Variants in IGSF21 observed in about 807,000 individuals in gnomAD.
The protein encoded by IGSF21 is immunoglobulin superfamily member 21.
Under a neutral mutation model 46.8 loss-of-function variants are expected in IGSF21, and 28 were observed. The ratio of observed to expected loss-of-function variants is 0.60; its 90% confidence interval spans 0.44 to 0.82. IGSF21 has a LOEUF of 0.82. Among genes scored for constraint, IGSF21 ranks in the 40% least tolerant of loss-of-function variants. The probability of loss-of-function intolerance (pLI) is 0.00; values close to 1 mark genes in which losing one functional copy is unlikely to be tolerated. For missense variants in IGSF21, 624 were observed against 665.5 expected (o/e 0.94, Z 0.69); for synonymous variants, 284 against 273.6 (o/e 1.04, Z -0.38).
chr1:18,227,924 C>A lies in IGSF21; in HGVS notation c.97C>A (p.Leu33Ile). 1 of 1,614,088 alleles carries A rather than the reference C, an allele frequency of 6.2e-7. No individual in the cohort carries two copies. Among genetic ancestry groups the A allele is most frequent in the Non-Finnish European group, 8.5e-7 (1 of 1,179,972 alleles). Residue 33 changes from leucine (L) to isoleucine (I), a missense_variant, in exon 2 of 10, where the codon CTC becomes ATC. Coordinates refer to ENST00000251296, the MANE Select transcript of IGSF21 (RefSeq NM_032880.5). ...RGYLTVNIEPLPPVVAGDAVT... is the reference protein window; with the variant it reads ...RGYLTVNIEPIPPVVAGDAVT... ...CTACCTGACAGTCAACATTGAGCCT[C>A]TCCCCCCTGTGGTGGCTGGAGACGC...
intron 1 of IGSF21, among the ~76,000 whole-genome samples, chr1:18,181,012 G>GA (rs772001242): frequency 1.3e-5 from 2 of 152,158 alleles, no homozygotes; most frequent in Non-Finnish European, 2.9e-5. Flanking sequence ...CTGTAAAGGA[G>GA]GGAACTGGGC....
intron 1 of IGSF21, among the ~76,000 whole-genome samples, chr1:18,149,832 C>A (rs994523495): frequency 6.6e-6 from 1 of 152,152 alleles, no homozygotes; most frequent in African/African-American, 2.4e-5. Flanking sequence ...TTCATGTCTA[C>A]TATAAAAGGT....
At chr1:18,274,309 G>A (rs748674734) in intron 2 of IGSF21, among the ~76,000 whole-genome samples, 48 of 152,228 alleles carry the variant, frequency 3.2e-4, no homozygotes, top group Non-Finnish European at 7.3e-5. Context: ...CTGGGCTCAA[G>A]AAGTAAGTAT....
chr1:18,359,402 G>A (rs1341407592), intron 4 of IGSF21, among the ~76,000 whole-genome samples: 1 of 133,998 alleles, frequency 7.5e-6, no homozygotes, highest in African/African-American at 2.8e-5. Context: ...AAGGAAGGAA[G>A]GAAGGAAGGA....
chr1:18,207,224 G>A (rs1222179991), intron 1 of IGSF21, among the ~76,000 whole-genome samples: 1 of 152,048 alleles, frequency 6.6e-6, no homozygotes, highest in Non-Finnish European at 1.5e-5. Flanking sequence ...GAATCTCTTT[G>A]GCCTCCTCTC....
chr1:18,130,356 C>T (rs776165164), intron 1 of IGSF21, among the ~76,000 whole-genome samples: 7 of 152,182 alleles, frequency 4.6e-5, no homozygotes, highest in African/African-American at 7.2e-5. Flanking sequence ...AAGACAGAAA[C>T]GGAGCAGTCA....
chr1:18,359,388 AAGGAAGGAAGG>A (rs2086066138), intron 4 of IGSF21, among the ~76,000 whole-genome samples: 55 of 78,460 alleles, frequency 7.0e-4, no homozygotes, highest in Middle Eastern at 5.9e-3. Flanking sequence ...GAAAGAAAGG[AAGGAAGGAAGG>A]AAGGAAGGAA....
In IGSF21 at chr1:18,365,423, C is replaced by T. The variant is rs1467591913; in HGVS notation, c.741C>T (p.Ser247=). ...RGGRPYTERP[S]RGLTPDPNIL... Reference sequence around the variant, plus strand: ...GGCGACCCTACACGGAGCGCCCCTCCCGTGGCCTGACCCCAGATCCCAACA... The same window carrying T: ...GGCGACCCTACACGGAGCGCCCCTCTCGTGGCCTGACCCCAGATCCCAACA... Residue 247 remains serine (S), a synonymous_variant, in exon 6 of 10, where the codon TCC becomes TCT. Transcript: ENST00000251296. This position sits in a 1 kb window ranked among gnomAD's most constrained non-coding sequence, Gnocchi z 4.8. The T allele has an allele frequency of 4.3e-6, 7 of 1,614,070 alleles. No homozygotes were observed. Among genetic ancestry groups the T allele is most frequent in the African/African-American group, 4.0e-5 (3 of 75,008 alleles).
Position 18,291,924 on chromosome 1 carries a change from C to G in IGSF21, c.242C>G (p.Thr81Ser). 6.2e-7 allele frequency: 1 copy of G among 1,614,060 alleles called. No homozygotes were observed. The highest frequency in any genetic ancestry group is 8.5e-7 in the Non-Finnish European group (1 of 1,179,952). The change falls in exon 3 of 10, where the codon ACC (threonine) becomes AGC (serine). Residue 81 changes from threonine to serine, a missense_variant. By Grantham distance (58) the Thr-to-Ser change is moderately conservative. Transcript: ENST00000251296. ...KIFTFDAMFS[T>S]NYSHMENYRK... ...TTCACCTTCGACGCCATGTTCTCCACCAACTACTCACACATGGAGAACTAC... is the reference window on the plus strand; with the variant it reads ...TTCACCTTCGACGCCATGTTCTCCAGCAACTACTCACACATGGAGAACTAC...
At chr1:18,283,333 A>G (rs951099075) in intron 2 of IGSF21, among the ~76,000 whole-genome samples, 1 of 152,196 alleles carries the variant, frequency 6.6e-6, no homozygotes, top group Non-Finnish European at 1.5e-5. Flanking sequence ...GACTGCCCAG[A>G]GAGGTGAGTG....
chr1:18,124,834 G>C (rs1238562676), intron 1 of IGSF21, among the ~76,000 whole-genome samples: 3 of 152,228 alleles, frequency 2.0e-5, no homozygotes, highest in Admixed American at 2.0e-4. Context: ...CCCTCGGAAA[G>C]GAGACAGAAG....
At chr1:18,246,012 C>T (rs1305524275) in intron 2 of IGSF21, among the ~76,000 whole-genome samples, 1 of 152,192 alleles carries the variant, frequency 6.6e-6, no homozygotes, top group Non-Finnish European at 1.5e-5. Context: ...AAGATAGATG[C>T]CCTTACCCTG....
At chr1:18,163,254 A>G (rs1415623675) in intron 1 of IGSF21, among the ~76,000 whole-genome samples, 1 of 152,118 alleles carries the variant, frequency 6.6e-6, no homozygotes, top group African/African-American at 2.4e-5. Flanking sequence ...AAAAAAGGCA[A>G]TGTGGCAGGC....
intron 4 of IGSF21, chr1:18,361,462 C>A (rs529812097): frequency 6.6e-6 from 1 of 152,422 alleles, no homozygotes; most frequent in East Asian, 1.9e-4. Flanking sequence ...CTCCAGCATG[C>A]CAGTTCAAGT....
intron 2 of IGSF21, among the ~76,000 whole-genome samples, chr1:18,246,723 C>T (rs1014797658): frequency 6.6e-6 from 1 of 152,142 alleles, no homozygotes; most frequent in Non-Finnish European, 1.5e-5. Context: ...TCTAGCGCAC[C>T]CTGGCGGCAC....
chr1:18,198,174 G>A lies in IGSF21; in HGVS notation c.71-29724G>A, dbSNP rs376355019. ...TGATGTACACAGTATAATCTGTCTCGAAGTGAACACGGGGTTGACTGGACA... is the reference window on the plus strand; with the variant it reads ...TGATGTACACAGTATAATCTGTCTCAAAGTGAACACGGGGTTGACTGGACA... On this transcript the variant is annotated intron_variant, in intron 1 of 9. Coordinates refer to ENST00000251296, the MANE Select transcript of IGSF21 (RefSeq NM_032880.5). 8.5e-5 allele frequency among the ~76,000 whole-genome samples: 13 copies of A among 152,248 alleles called. No homozygotes were observed. The East Asian group carries it at 1.3e-3, about 16-fold the overall frequency.
intron 4 of IGSF21, among the ~76,000 whole-genome samples, chr1:18,347,400 C>T (rs1404921996): frequency 1.3e-5 from 2 of 152,240 alleles, no homozygotes; most frequent in Admixed American, 1.3e-4. Flanking sequence ...GGACCAGAGC[C>T]CTTGACGTTC....
chr1:18,243,934 C>G (rs1014434801), intron 2 of IGSF21, among the ~76,000 whole-genome samples: 1 of 152,216 alleles, frequency 6.6e-6, no homozygotes, highest in Admixed American at 6.5e-5. Context: ...CCCCCATTCT[C>G]CATATCTGTG....
At chr1:18,273,462 CTCTTTCTTTCTT>C (rs200010749) in intron 2 of IGSF21, among the ~76,000 whole-genome samples, 3,539 of 61,922 alleles carry the variant, frequency 0.057, 325 homozygotes, top group East Asian at 0.12. Flanking sequence ...TTCTTTCTCT[CTCTTTCTTTCTT>C]TCTTTCTTTC....
Sources: gnomAD v4.1 joint callset for allele counts (sites outside exome capture counted in the v4.1 genomes callset) on GRCh38, gnomAD v4.1.1 for gene constraint, Gnocchi (gnomAD v3.1) non-coding constraint, MANE v1.5 for transcripts, NCBI Gene and HGNC (gene_info 2026-07-23, HGNC 2026-07-21) for gene names.